SUPT6H: variants seen among roughly 807,000 people sequenced by gnomAD.
SUPT6H encodes transcription elongation factor SPT6.
SUPT6H carries 11 observed loss-of-function variants against 222.3 expected under a neutral mutation model. That is an observed-to-expected ratio of 0.05 (90% CI 0.03 to 0.08). The LOEUF (loss-of-function observed/expected upper bound fraction) is 0.08. Ranked by LOEUF, SUPT6H falls within the 10% of genes least tolerant of loss-of-function variation. SUPT6H has a pLI of 1.00. For synonymous variants in SUPT6H, 762 were observed against 801.2 expected (o/e 0.95, Z 0.83); for missense variants, 1,422 against 2,216.0 (o/e 0.64, Z 7.19).
intron 1 of SUPT6H, among the ~76,000 whole-genome samples, chr17:28,662,887 A>G (rs1471624039): frequency 2.6e-5 from 4 of 152,362 alleles, no homozygotes; most frequent in Non-Finnish European, 4.4e-5. Flanking sequence ...TCCATTCTCT[A>G]TAGATTCATT....
intron 14 of SUPT6H, 21 bp from the exon 15 acceptor site, chr17:28,682,921 G>C: frequency 6.2e-7 from 1 of 1,612,042 alleles, no homozygotes; most frequent in Non-Finnish European, 8.5e-7. Flanking sequence ...TGGTCCTGTA[G>C]CTGCACCATT....
chr17:28,667,470 T>C (rs1234782987), intron 1 of SUPT6H, among the ~76,000 whole-genome samples: 3 of 142,752 alleles, frequency 2.1e-5, no homozygotes, highest in Non-Finnish European at 4.5e-5. Context: ...TATGTATATG[T>C]GTATATATGT....
At chr17:28,663,537 A>G (rs1356477702) in intron 1 of SUPT6H, among the ~76,000 whole-genome samples, 1 of 152,104 alleles carries the variant, frequency 6.6e-6, no homozygotes, top group Non-Finnish European at 1.5e-5. Context: ...GTTTGCCCTG[A>G]TTCTATATTC....
At position 28,681,993 on chromosome 17, in the gene SUPT6H, T is replaced by G. The variant is rs768895195; in HGVS notation, c.1597+13T>G. The G allele has an allele frequency of 1.9e-6, 3 of 1,590,800 alleles. No homozygotes were observed. The highest frequency in any genetic ancestry group is 2.6e-6 in the Non-Finnish European group (3 of 1,168,850). ...AGTGCTGGGCTAGGTAAAAGCTAGC[T>G]GCTTTGGGATTTAGGCATTCTAGCC... On this transcript the variant is annotated intron_variant, in intron 13 of 36. Coordinates refer to ENST00000314616, the MANE Select transcript of SUPT6H (RefSeq NM_003170.5).
intron 11 of SUPT6H, among the ~76,000 whole-genome samples, chr17:28,679,990 CAA>C (rs36143547): frequency 8.6e-5 from 5 of 58,212 alleles, no homozygotes; most frequent in Admixed American, 2.2e-4. Flanking sequence ...GACTCCATCT[CAA>C]AAAAAAAAAA....
chr17:28,662,662 C>A (rs781702318), intron 1 of SUPT6H, among the ~76,000 whole-genome samples: 1 of 152,184 alleles, frequency 6.6e-6, no homozygotes, highest in Non-Finnish European at 1.5e-5. Flanking sequence ...TGGAAGGGAC[C>A]TGGGGCTTCT....
intron 19 of SUPT6H, 66 bp downstream of exon 19, chr17:28,685,027 A>G: frequency 6.8e-7 from 1 of 1,459,954 alleles, no homozygotes; most frequent in Non-Finnish European, 9.4e-7. Flanking sequence ...AGTGGAGATA[A>G]GTGTTTACGG....
chr17:28,676,437 AACC>A lies in SUPT6H; in HGVS notation c.897+12_897+14del. Reference sequence around the variant, plus strand: ...CCTGCCTGAGAGGTTCCAGGTAAAAAACCACCAGCCTCTGCTCTTCTACCAATC... The same window carrying A: ...CCTGCCTGAGAGGTTCCAGGTAAAAAACCAGCCTCTGCTCTTCTACCAATC... On this transcript the variant is annotated splice_region_variant and intron_variant, in intron 7 of 36. Transcript: ENST00000314616. The A allele has an allele frequency of 6.2e-7, 1 of 1,613,476 alleles. No homozygotes were observed. Among genetic ancestry groups the A allele is most frequent in the South Asian group, 1.1e-5 (1 of 91,066 alleles).
At chr17:28,667,509 AT>A in intron 1 of SUPT6H, among the ~76,000 whole-genome samples, 1 of 146,224 alleles carries the variant, frequency 6.8e-6, no homozygotes. Flanking sequence ...GTGTATATAT[AT>A]ATAAATACGT....
At chr17:28,664,894 G>A (rs953284497) in intron 1 of SUPT6H, among the ~76,000 whole-genome samples, 1 of 152,134 alleles carries the variant, frequency 6.6e-6, no homozygotes, top group East Asian at 1.9e-4. Flanking sequence ...AGTAAGTCTT[G>A]TCACTTCCAC....
chr17:28,678,645 T>C lies in SUPT6H; in HGVS notation c.1206+11T>C. 6.2e-7 allele frequency: 1 copy of C among 1,613,920 alleles called. No homozygotes were observed. Among genetic ancestry groups the C allele is most frequent in the Non-Finnish European group, 8.5e-7 (1 of 1,179,950 alleles). On this transcript the variant is annotated intron_variant, in intron 10 of 36. Transcript: ENST00000314616. ...CAGTGGGATGAAAAGGTAATGTAGA[T>C]CCGTGGCCCCCAAGAGGTGTGGGCC...
rs781720143 is a variant in SUPT6H, at chr17:28,676,402, G to A, written c.869G>A (p.Arg290Gln). 9.3e-6 allele frequency: 15 copies of A among 1,613,598 alleles called. No homozygotes were observed. Among genetic ancestry groups the A allele is most frequent in the Non-Finnish European group, 1.3e-5 (15 of 1,179,998 alleles). The change falls in exon 7 of 37, where the codon CGA becomes CAA. Residue 290 changes from arginine (R) to glutamine (Q), a missense_variant. Arg to Gln is a conservative substitution (Grantham distance 43). Coordinates refer to ENST00000314616, the MANE Select transcript of SUPT6H (RefSeq NM_003170.5). ...SHLTDQDNEI[R>Q]ATDLPERFQL... is the part of the protein sequence containing the mutation. ...CTCACAGATCAGGACAATGAAATCC[G>A]AGCCACTGACCTGCCTGAGAGGTTC...
intron 35 of SUPT6H, chr17:28,700,731 C>A: frequency 1.1e-6 from 1 of 928,682 alleles, no homozygotes; most frequent in Non-Finnish European, 1.6e-6. Context: ...AACCCGCAAG[C>A]CACCAGAAAG....
At chr17:28,695,191 A>AC (rs2031844554) in intron 28 of SUPT6H, 161 bp from the exon 29 acceptor site, 1 of 683,464 alleles carries the variant, frequency 1.5e-6, no homozygotes, top group Non-Finnish European at 2.4e-6. Flanking sequence ...ACAAGATTCC[A>AC]CCCCAAACTC....
chr17:28,697,160 A>T lies in SUPT6H; in HGVS notation c.4209+78A>T. 3.2e-6 allele frequency: 4 copies of T among 1,243,162 alleles called. No individual in the cohort carries two copies. The South Asian group carries it at 5.0e-5, about 15-fold the overall frequency. The allele number at this position is 1,243,162 out of a possible 1,614,324, so 77.0% of individuals were successfully genotyped here. A position where few individuals can be genotyped will look rare whatever the true frequency, so the allele number is the denominator to read the frequency against. The stretch of plus-strand genomic sequence containing the variant: ...GCCCTTCAGGGTGCTTTCACCTGAC[A>T]TTAGTAACTCGGGTCATAGGTATTT... On this transcript the variant is annotated intron_variant, in intron 30 of 36. Transcript: ENST00000314616.
chr17:28,675,330 T>C, intron 5 of SUPT6H, 71 bp from the exon 6 acceptor site: 2 of 1,571,070 alleles, frequency 1.3e-6, no homozygotes. Flanking sequence ...ACTCACATAG[T>C]AGGAACCAAA....
At chr17:28,678,047 C>T in intron 8 of SUPT6H, 29 bp from the exon 9 acceptor site, 6 of 1,589,178 alleles carry the variant, frequency 3.8e-6, no homozygotes, top group Non-Finnish European at 5.2e-6. Flanking sequence ...TAAACATTGT[C>T]TTGCTATTTC....
At position 28,681,335 on chromosome 17, in the gene SUPT6H, A is replaced by G; in HGVS notation, c.1429A>G (p.Lys477Glu). ...FLLYYGRDIP[K>E]MQNAAKASRK... ...TCTTTATTATGGCCGAGACATCCCT[A>G]AGATGCAGAACGCCGCCAAAGCTAG... The change falls in exon 12 of 37, where the codon AAG (lysine) becomes GAG (glutamate). Residue 477 changes from lysine (K) to glutamate (E), a missense_variant. By Grantham distance (56) the Lys-to-Glu change is moderately conservative. Coordinates refer to ENST00000314616, the MANE Select transcript of SUPT6H (RefSeq NM_003170.5). 6.2e-7 allele frequency: 1 copy of G among 1,613,702 alleles called. No homozygotes were observed. The highest frequency in any genetic ancestry group is 8.5e-7 in the Non-Finnish European group (1 of 1,179,896).
chr17:28,666,314 A>C (rs886479166), intron 1 of SUPT6H, among the ~76,000 whole-genome samples: 1 of 152,188 alleles, frequency 6.6e-6, no homozygotes, highest in Non-Finnish European at 1.5e-5. Flanking sequence ...ATTCATTTAC[A>C]TGTTATGTAT....
Sources: allele counts gnomAD v4.1 joint callset (sites outside exome capture counted in the v4.1 genomes callset), GRCh38; gene constraint gnomAD v4.1.1; transcripts MANE v1.5; gene names NCBI Gene and HGNC (gene_info 2026-07-23, HGNC 2026-07-21).